Variants in LMTK2 observed in about 807,000 individuals in gnomAD.
LMTK2 encodes the protein lemur tail kinase 2, also known as serine/threonine-protein kinase LMTK2.
In LMTK2, 37 loss-of-function variants were observed where a neutral mutation model predicts 127.5. The observed-to-expected ratio is 0.29, with a 90% CI of 0.22 to 0.38. The LOEUF is 0.38. Among genes scored for constraint, LMTK2 ranks in the 10% least tolerant of loss-of-function variants. LMTK2 has a pLI of 1.00. For missense variants in LMTK2, 1,694 were observed against 1,920.3 expected (o/e 0.88, Z 2.20); for synonymous variants, 819 against 810.1 (o/e 1.01, Z -0.19).
rs965786 is a variant in LMTK2, at chr7:98,145,243, A to C, written c.376+3702A>C. ...ATGGTAACCACTAAAAAATTTACAG[A>C]AAGGGAAATGAAGAGGGAATCAAAA... is the stretch of plus-strand genomic sequence containing the variant. On this transcript the variant is annotated intron_variant, in intron 3 of 13. Transcript: ENST00000297293. 1.3e-3 allele frequency among the ~76,000 whole-genome samples: 190 copies of C among 149,264 alleles called. 1 individual carries two copies. Among genetic ancestry groups the C allele is most frequent in the African/African-American group, 4.5e-3 (180 of 40,394 alleles).
At position 98,147,996 on chromosome 7, in the gene LMTK2, G is replaced by A. The variant is rs747542944; in HGVS notation, c.377-3386G>A. Among the ~76,000 whole-genome samples the A allele has an allele frequency of 4.5e-4, 69 of 152,122 alleles. 1 individual carries two copies. The highest frequency in any genetic ancestry group is 3.4e-3 in the Middle Eastern group (1 of 292). ...TGAGAGGCCAAGGTCAGGAGTTCGAGACCAGCCTGGCCAACTAGGGAAACC... is the reference window on the plus strand; with the variant it reads ...TGAGAGGCCAAGGTCAGGAGTTCGAAACCAGCCTGGCCAACTAGGGAAACC... On this transcript the variant is annotated intron_variant, in intron 3 of 13. Coordinates refer to ENST00000297293, the MANE Select transcript of LMTK2 (RefSeq NM_014916.4).
At chr7:98,164,709 G>C (rs571132989) in intron 6 of LMTK2, among the ~76,000 whole-genome samples, 28 of 152,256 alleles carry the variant, frequency 1.8e-4, no homozygotes, top group African/African-American at 6.3e-4. Flanking sequence ...TGCCCTGGTG[G>C]CGAGGCCAGC....
Position 98,209,031 on chromosome 7 carries a change from T to G in LMTK2, c.*3539T>G, listed in dbSNP as rs1444046713. ...CTCTTCCTTAACTCAGCCCATCATC[T>G]GAAAATTCAGAAGTGAACCAAGGGT... On this transcript the variant is annotated 3_prime_UTR_variant, in exon 14 of 14. Transcript: ENST00000297293. 2.6e-5 allele frequency: 4 copies of G among 152,194 alleles called. No individual in the cohort carries two copies. Among genetic ancestry groups the G allele is most frequent in the African/African-American group, 7.2e-5 (3 of 41,438 alleles). 9.4% of individuals were successfully genotyped at this position (152,194 alleles called of 1,614,324 possible).
intron 1 of LMTK2, among the ~76,000 whole-genome samples, chr7:98,126,322 G>A (rs1184200922): frequency 3.9e-5 from 6 of 152,194 alleles, no homozygotes; most frequent in Non-Finnish European, 8.8e-5. Context: ...TCCCCTAGAC[G>A]TTGGTGGTCC....
intron 7 of LMTK2, among the ~76,000 whole-genome samples, chr7:98,174,643 G>C (rs1797250132): frequency 6.6e-6 from 1 of 152,230 alleles, no homozygotes; most frequent in Non-Finnish European, 1.5e-5. Context: ...CATGGAGCTG[G>C]AGACCTGGAG....
intron 6 of LMTK2, among the ~76,000 whole-genome samples, chr7:98,169,167 G>A (rs1015452234): frequency 6.6e-6 from 1 of 152,194 alleles, no homozygotes; most frequent in Non-Finnish European, 1.5e-5. Flanking sequence ...CACAATCCAT[G>A]ACAAGTCTCA....
chr7:98,190,589 A>G (rs1584291691), intron 9 of LMTK2, 139 bp from the exon 10 acceptor site: 2 of 859,324 alleles, frequency 2.3e-6, no homozygotes, highest in East Asian at 4.9e-5. Context: ...TAAAACAACA[A>G]CAACAACAAC....
chr7:98,205,593 A>G lies in LMTK2; in HGVS notation c.*101A>G, dbSNP rs972318749. On this transcript the variant is annotated 3_prime_UTR_variant, in exon 14 of 14. Transcript: ENST00000297293. ...CGACATCCACTCGCCATTTGCTGAC[A>G]TGAGATTGGGAGGAAGAATCCAGAG... 7.9e-7 allele frequency: 1 copy of G among 1,268,976 alleles called. No homozygotes were observed. The highest frequency in any genetic ancestry group is 1.1e-6 in the Non-Finnish European group (1 of 892,706). The allele number at this position is 1,268,976 out of a possible 1,614,324, so 78.6% of individuals were successfully genotyped here.
chr7:98,154,905 A>G (rs760473948), intron 5 of LMTK2, 29 bp downstream of exon 5: 2 of 1,288,626 alleles, frequency 1.6e-6, no homozygotes, highest in Non-Finnish European at 2.3e-6. Flanking sequence ...GTGTTCTGTA[A>G]GACTAGTCTG....
chr7:98,205,360 C>T (rs2116488343), intron 13 of LMTK2, 104 bp from the exon 14 acceptor site: 7 of 1,412,720 alleles, frequency 5.0e-6, no homozygotes, highest in Non-Finnish European at 7.0e-6. Context: ...GCTCAAAACA[C>T]CCGCTTCCGT....
chr7:98,181,820 G>A (rs1024170528), intron 7 of LMTK2, among the ~76,000 whole-genome samples: 3 of 150,318 alleles, frequency 2.0e-5, no homozygotes, highest in Non-Finnish European at 2.9e-5. Context: ...CATCATGCCC[G>A]GCTAATTTTT....
rs867743215 is a variant in LMTK2 at position 98,107,507 on chromosome 7, A to C, written c.103+227A>C. ...TGGGGAGGGCGGCGGGCGAGGTAGC[A>C]GCCACCGACCCCTCCCGGGATAGGC... On this transcript the variant is annotated intron_variant, in intron 1 of 13. Coordinates refer to ENST00000297293, the MANE Select transcript of LMTK2 (RefSeq NM_014916.4). Among the ~76,000 whole-genome samples the C allele has an allele frequency of 5.6e-4, 86 of 152,322 alleles. No homozygotes were observed. In the Middle Eastern group the frequency reaches 0.014, roughly 24 times the overall value.
At chr7:98,108,722 C>G (rs1184768835) in intron 1 of LMTK2, among the ~76,000 whole-genome samples, 1 of 152,060 alleles carries the variant, frequency 6.6e-6, no homozygotes, top group African/African-American at 2.4e-5. Flanking sequence ...AAAGTTAGCA[C>G]TAGTATAGTG....
In LMTK2 at chr7:98,187,923, C is replaced by T. The variant is rs1028196454; in HGVS notation, c.998+925C>T. Among the ~76,000 whole-genome samples the T allele has an allele frequency of 7.9e-5, 12 of 152,294 alleles. No homozygotes were observed. In the East Asian group the frequency reaches 2.1e-3, roughly 27 times the overall value. On this transcript the variant is annotated intron_variant, in intron 9 of 13. Transcript: ENST00000297293. Reference sequence around the variant, plus strand: ...AGTGTAATATTTTGATACCTATATACAGTGTGTGATGATCAAATCAGGGTA... The same window carrying T: ...AGTGTAATATTTTGATACCTATATATAGTGTGTGATGATCAAATCAGGGTA...
In LMTK2 at chr7:98,171,422, T is replaced by C. The variant is rs776938995; in HGVS notation, c.658-119T>C. On this transcript the variant is annotated intron_variant, in intron 6 of 13. Coordinates refer to ENST00000297293, the MANE Select transcript of LMTK2 (RefSeq NM_014916.4). The surrounding 1 kb of genome is among the most constrained non-coding windows in gnomAD (Gnocchi z 5.1). ...TATTGGGTTGGAACTTCTTTAAGTATGAACAAAAGAAGTTTCTAATAAATA... is the reference window on the plus strand; with the variant it reads ...TATTGGGTTGGAACTTCTTTAAGTACGAACAAAAGAAGTTTCTAATAAATA... 4 of 1,304,780 alleles carry C rather than the reference T, an allele frequency of 3.1e-6. No individual in the cohort carries two copies. Among genetic ancestry groups the C allele is most frequent in the Non-Finnish European group, 4.4e-6 (4 of 908,284 alleles). The allele number at this position is 1,304,780 out of a possible 1,614,324, so 80.8% of individuals were successfully genotyped here.
At chr7:98,202,172 A>C (rs1797712986) in intron 11 of LMTK2, among the ~76,000 whole-genome samples, 1 of 151,516 alleles carries the variant, frequency 6.6e-6, no homozygotes, top group African/African-American at 2.4e-5. Flanking sequence ...CTCTGTCTTC[A>C]AGGTCCCTGA....
rs1403404886 is a variant in LMTK2 at position 98,174,935 on chromosome 7, C to T, written c.791+3261C>T. 2.0e-5 allele frequency among the ~76,000 whole-genome samples: 3 copies of T among 152,182 alleles called. No individual in the cohort carries two copies. In the East Asian group the frequency reaches 5.8e-4, roughly 29 times the overall value. On this transcript the variant is annotated intron_variant, in intron 7 of 13. Coordinates refer to ENST00000297293, the MANE Select transcript of LMTK2 (RefSeq NM_014916.4). ...GCAGGAGAGTGGAAACGCATGTTCT[C>T]ATTTGGCAGGGTGTTTGCCGTGTTC...
rs1431670293 is a variant in LMTK2 at position 98,171,387 on chromosome 7, A to G, written c.658-154A>G. On this transcript the variant is annotated intron_variant, in intron 6 of 13. Transcript: ENST00000297293. The surrounding 1 kb of genome is among the most constrained non-coding windows in gnomAD (Gnocchi z 5.1). ...TCCTAAAAGCATAATAGTGTTCTAT[A>G]CTTTCGCAGTATTGGGTTGGAACTT... 1.3e-5 allele frequency among the ~76,000 whole-genome samples: 2 copies of G among 152,244 alleles called. No individual in the cohort carries two copies. The highest frequency in any genetic ancestry group is 2.9e-5 in the Non-Finnish European group (2 of 68,050).
intron 1 of LMTK2, among the ~76,000 whole-genome samples, chr7:98,122,681 T>C (rs981060343): frequency 1.8e-4 from 1 of 5,482 alleles, no homozygotes; most frequent in Admixed American, 2.1e-3. Context: ...CTACATGGTG[T>C]GTGTGTGTGT....
Sources: gnomAD v4.1 joint callset for allele counts (sites outside exome capture counted in the v4.1 genomes callset) on GRCh38, gnomAD v4.1.1 for gene constraint, Gnocchi (gnomAD v3.1) non-coding constraint, MANE v1.5 for transcripts, NCBI Gene and HGNC (gene_info 2026-07-23, HGNC 2026-07-21) for gene names.